ARHGEF3: variants seen among roughly 807,000 people sequenced by gnomAD.
ARHGEF3 encodes the protein Rho guanine nucleotide exchange factor 3.
In ARHGEF3, 28 loss-of-function variants were observed where a neutral mutation model predicts 63.2. That is an observed-to-expected ratio of 0.44 (90% CI 0.33 to 0.61). The LOEUF is 0.61. Ranked by LOEUF, ARHGEF3 falls within the 20% of genes least tolerant of loss-of-function variation. The pLI is 0.03. For missense variants in ARHGEF3, 533 were observed against 659.3 expected (o/e 0.81, Z 2.10); for synonymous variants, 266 against 254.2 (o/e 1.05, Z -0.44).
At chr3:56,839,992 A>C (rs755964744) in intron 4 of ARHGEF3, among the ~76,000 whole-genome samples, 5 of 152,150 alleles carry the variant, frequency 3.3e-5, no homozygotes, top group Admixed American at 6.5e-5. Flanking sequence ...GATCCCAGGC[A>C]TTATCTCATC....
At chr3:56,975,951 A>G (rs1283394906) in intron 2 of ARHGEF3, 2 of 225,622 alleles carry the variant, frequency 8.9e-6, no homozygotes, top group Non-Finnish European at 1.8e-5. Context: ...TACTTTTAAT[A>G]GAAGGGTAAT....
chr3:56,837,320 C>T (rs376249297), intron 4 of ARHGEF3, among the ~76,000 whole-genome samples: 26 of 152,260 alleles, frequency 1.7e-4, no homozygotes, highest in African/African-American at 5.1e-4. Flanking sequence ...GAAAAGAGCA[C>T]GGTTGACCGA....
chr3:56,909,085 G>A (rs900090081), intron 3 of ARHGEF3, among the ~76,000 whole-genome samples: 5 of 152,302 alleles, frequency 3.3e-5, no homozygotes, highest in Middle Eastern at 3.4e-3. Flanking sequence ...ACACCGCTTC[G>A]CTTCTGGAGT....
At chr3:56,781,937 T>C (rs559480515) in intron 1 of ARHGEF3, among the ~76,000 whole-genome samples, 1 of 152,146 alleles carries the variant, frequency 6.6e-6, no homozygotes, top group Non-Finnish European at 1.5e-5. Context: ...GTGGGGTGGC[T>C]GGAAGGCAGG....
chr3:56,944,201 A>G (rs1174821872), intron 3 of ARHGEF3, among the ~76,000 whole-genome samples: 1 of 152,166 alleles, frequency 6.6e-6, no homozygotes, highest in African/African-American at 2.4e-5. Context: ...AAAACAAAAC[A>G]AAAACATCTC....
intron 2 of ARHGEF3, among the ~76,000 whole-genome samples, chr3:57,012,557 C>G (rs548122921): frequency 2.5e-4 from 38 of 152,348 alleles, no homozygotes; most frequent in South Asian, 1.0e-3. Context: ...CTGCACGTGG[C>G]CACTCTTTGT....
At chr3:56,926,802 T>C (rs2042286593) in intron 3 of ARHGEF3, among the ~76,000 whole-genome samples, 1 of 152,248 alleles carries the variant, frequency 6.6e-6, no homozygotes, top group African/African-American at 2.4e-5. Context: ...AGCTGATTTT[T>C]ATTTTTTAAA....
intron 1 of ARHGEF3, among the ~76,000 whole-genome samples, chr3:56,794,415 G>A (rs1408105635): frequency 6.7e-6 from 1 of 150,066 alleles, no homozygotes; most frequent in Non-Finnish European, 1.5e-5. Context: ...TTGAACCCGG[G>A]AGGCAGAGGT....
At chr3:56,810,440 G>A (rs1310472178) in intron 4 of ARHGEF3, among the ~76,000 whole-genome samples, 1 of 152,034 alleles carries the variant, frequency 6.6e-6, no homozygotes, top group Non-Finnish European at 1.5e-5. Flanking sequence ...CTACTCGGGA[G>A]GCTTGAACCC....
intron 2 of ARHGEF3, among the ~76,000 whole-genome samples, chr3:57,031,886 A>G (rs1703749999): frequency 6.6e-6 from 1 of 152,160 alleles, no homozygotes; most frequent in Admixed American, 6.5e-5. Flanking sequence ...TCATCACTCT[A>G]GGTCTGTTTG....
chr3:56,836,060 A>C (rs1425848066), intron 4 of ARHGEF3, among the ~76,000 whole-genome samples: 1 of 152,242 alleles, frequency 6.6e-6, no homozygotes, highest in Admixed American at 6.5e-5. Context: ...CAGCAGGCCA[A>C]GGTATCCCGT....
intron 6 of ARHGEF3, among the ~76,000 whole-genome samples, chr3:56,747,112 C>G (rs376895673): frequency 6.6e-6 from 1 of 151,422 alleles, no homozygotes; most frequent in East Asian, 1.9e-4. Context: ...AAACGTGGTA[C>G]TGTGGCTTGT....
intron 2 of ARHGEF3, among the ~76,000 whole-genome samples, chr3:56,760,530 A>C (rs1205014747): frequency 1.3e-5 from 2 of 152,090 alleles, no homozygotes; most frequent in Non-Finnish European, 2.9e-5. Flanking sequence ...GATATCACAG[A>C]GGGTCTTTTA....
At chr3:56,848,110 T>C (rs988824193) in intron 4 of ARHGEF3, among the ~76,000 whole-genome samples, 1 of 152,150 alleles carries the variant, frequency 6.6e-6, no homozygotes, top group Admixed American at 6.6e-5. Flanking sequence ...GAGAGAAATG[T>C]TAATGTGACA....
intron 1 of ARHGEF3, among the ~76,000 whole-genome samples, chr3:56,777,964 T>C (rs1330042502): frequency 6.6e-6 from 1 of 152,176 alleles, no homozygotes; most frequent in African/African-American, 2.4e-5. Flanking sequence ...GTCTTTCAAA[T>C]GTTTGGAAAT....
intron 4 of ARHGEF3, among the ~76,000 whole-genome samples, chr3:56,850,092 T>TA (rs936480787): frequency 6.6e-6 from 1 of 152,184 alleles, no homozygotes; most frequent in Non-Finnish European, 1.5e-5. Flanking sequence ...ACACTGTTCC[T>TA]AAGCCCTATT....
chr3:56,948,364 A>G (rs1163616211), intron 3 of ARHGEF3, among the ~76,000 whole-genome samples: 2 of 152,184 alleles, frequency 1.3e-5, no homozygotes, highest in Admixed American at 1.3e-4. Flanking sequence ...AAGATCAACA[A>G]AATTGATAGA....
chr3:56,888,103 C>CTTT (rs3034853), intron 3 of ARHGEF3, among the ~76,000 whole-genome samples: 1 of 142,972 alleles, frequency 7.0e-6, no homozygotes, highest in Non-Finnish European at 1.5e-5. Context: ...CAAATAAGAG[C>CTTT]TTTTTTTTTT....
At chr3:56,852,754 G>GA (rs1377010435) in intron 4 of ARHGEF3, among the ~76,000 whole-genome samples, 3 of 152,082 alleles carry the variant, frequency 2.0e-5, no homozygotes, top group Non-Finnish European at 4.4e-5. Context: ...ACTTGGAGAA[G>GA]AAAATGTGAA....
Sources: gnomAD v4.1 joint callset for allele counts (sites outside exome capture counted in the v4.1 genomes callset) on GRCh38, gnomAD v4.1.1 for gene constraint, MANE v1.5 for transcripts, NCBI Gene and HGNC (gene_info 2026-07-23, HGNC 2026-07-21) for gene names.